The following TMEFF2 variants were observed in gnomAD, a reference collection of about 807,000 sequenced individuals.
TMEFF2 encodes tomoregulin-2.
In TMEFF2, 28 loss-of-function variants were observed where a neutral mutation model predicts 53.8. The observed-to-expected ratio is 0.52, with a 90% CI of 0.39 to 0.71. TMEFF2 has a LOEUF of 0.71. TMEFF2 is among the 30% of genes least tolerant of loss of function. The probability of loss-of-function intolerance (pLI) is 0.00; values close to 1 mark genes in which losing one functional copy is unlikely to be tolerated. For missense variants in TMEFF2, 353 were observed against 455.2 expected (o/e 0.78, Z 2.04); for synonymous variants, 162 against 166.3 (o/e 0.97, Z 0.20).
intron 2 of TMEFF2, among the ~76,000 whole-genome samples, chr2:192,186,949 G>C (rs1243697777): frequency 1.3e-5 from 2 of 152,136 alleles, no homozygotes; most frequent in Non-Finnish European, 2.9e-5. Context: ...GAGGGATGCA[G>C]TAAGCCAAAT....
At chr2:192,011,876 T>A (rs778312271) in intron 5 of TMEFF2, among the ~76,000 whole-genome samples, 7 of 152,186 alleles carry the variant, frequency 4.6e-5, no homozygotes, top group Non-Finnish European at 8.8e-5. Context: ...CAAAATATTT[T>A]TTATTTTTAC....
intron 9 of TMEFF2, among the ~76,000 whole-genome samples, chr2:191,953,207 A>G (rs1280238939): frequency 6.6e-6 from 1 of 152,186 alleles, no homozygotes; most frequent in East Asian, 1.9e-4. Flanking sequence ...TTACCTTTTG[A>G]TTAGGCTGGG....
intron 7 of TMEFF2, among the ~76,000 whole-genome samples, chr2:191,989,643 G>C (rs961035302): frequency 3.9e-5 from 6 of 152,122 alleles, no homozygotes; most frequent in African/African-American, 1.4e-4. Flanking sequence ...CCACAAGTCT[G>C]AGAGCCATAC....
At chr2:192,095,970 G>A (rs952586413) in intron 4 of TMEFF2, among the ~76,000 whole-genome samples, 2 of 152,078 alleles carry the variant, frequency 1.3e-5, no homozygotes, top group African/African-American at 4.8e-5. Context: ...AAGATGTTTT[G>A]GACATTTGTA....
At chr2:192,173,029 T>C (rs1690952760) in intron 4 of TMEFF2, among the ~76,000 whole-genome samples, 1 of 151,886 alleles carries the variant, frequency 6.6e-6, no homozygotes, top group African/African-American at 2.4e-5. Flanking sequence ...AGCTAATGGG[T>C]TCAAAAATAC....
At chr2:192,188,900 C>T (rs1691389562) in intron 2 of TMEFF2, among the ~76,000 whole-genome samples, 1 of 150,890 alleles carries the variant, frequency 6.6e-6, no homozygotes, top group Non-Finnish European at 1.5e-5. Context: ...TCTACTGTCT[C>T]CAAATTTTCA....
intron 4 of TMEFF2, among the ~76,000 whole-genome samples, chr2:192,170,082 G>C (rs1690870231): frequency 6.6e-6 from 1 of 151,876 alleles, no homozygotes; most frequent in African/African-American, 2.4e-5. Flanking sequence ...CCACATTGAA[G>C]TTGCTATTAC....
chr2:191,994,923 G>T (rs1468544255), intron 7 of TMEFF2, among the ~76,000 whole-genome samples: 1 of 151,946 alleles, frequency 6.6e-6, no homozygotes, highest in Non-Finnish European at 1.5e-5. Flanking sequence ...CTCATTAAAG[G>T]AGAGAGGGCA....
chr2:192,046,746 C>G (rs556992293), intron 5 of TMEFF2, among the ~76,000 whole-genome samples: 1 of 152,014 alleles, frequency 6.6e-6, no homozygotes, highest in African/African-American at 2.4e-5. Context: ...GTTGTGTTTT[C>G]TTTTTCCAAA....
intron 4 of TMEFF2, among the ~76,000 whole-genome samples, chr2:192,108,363 C>G (rs769083847): frequency 6.6e-6 from 1 of 151,758 alleles, no homozygotes; most frequent in South Asian, 2.1e-4. Context: ...AAAGACAGGG[C>G]ATTATTTAAA....
chr2:192,096,521 T>C (rs1460332340), intron 4 of TMEFF2, among the ~76,000 whole-genome samples: 2 of 152,116 alleles, frequency 1.3e-5, no homozygotes, highest in Non-Finnish European at 2.9e-5. Context: ...TTATTCTGAA[T>C]ATTATTTTAA....
intron 4 of TMEFF2, among the ~76,000 whole-genome samples, chr2:192,083,685 T>C (rs1688605224): frequency 6.6e-6 from 1 of 151,192 alleles, no homozygotes; most frequent in Non-Finnish European, 1.5e-5. Flanking sequence ...ACGCATGTGG[T>C]AGTACTTTAC....
At chr2:192,106,027 C>A (rs1689137191) in intron 4 of TMEFF2, among the ~76,000 whole-genome samples, 1 of 151,742 alleles carries the variant, frequency 6.6e-6, no homozygotes, top group Admixed American at 6.6e-5. Flanking sequence ...AGAACACTTG[C>A]ATTTTTAGGA....
At chr2:192,000,515 T>TA (rs898440631) in intron 5 of TMEFF2, among the ~76,000 whole-genome samples, 21 of 152,200 alleles carry the variant, frequency 1.4e-4, no homozygotes, top group African/African-American at 4.8e-4. Context: ...CTTTTAAGTA[T>TA]ACAGATTCAT....
At chr2:192,100,889 T>C (rs951839508) in intron 4 of TMEFF2, among the ~76,000 whole-genome samples, 1 of 152,162 alleles carries the variant, frequency 6.6e-6, no homozygotes, top group African/African-American at 2.4e-5. Context: ...TTATATGAGT[T>C]CCTTTTGAAT....
chr2:192,116,805 A>G (rs1689424270), intron 4 of TMEFF2, among the ~76,000 whole-genome samples: 1 of 152,100 alleles, frequency 6.6e-6, no homozygotes, highest in African/African-American at 2.4e-5. Context: ...GACGTAAGAA[A>G]TTAAAGAATC....
intron 4 of TMEFF2, among the ~76,000 whole-genome samples, chr2:192,149,738 A>G (rs1690339693): frequency 6.6e-6 from 1 of 151,942 alleles, no homozygotes; most frequent in Non-Finnish European, 1.5e-5. Context: ...CTGTGATGAA[A>G]TATGTTGGAG....
chr2:192,173,858 T>C (rs1690974111), intron 4 of TMEFF2, among the ~76,000 whole-genome samples: 1 of 151,796 alleles, frequency 6.6e-6, no homozygotes, highest in African/African-American at 2.4e-5. Context: ...AATTAAAAGA[T>C]TCAAAATTCT....
intron 4 of TMEFF2, among the ~76,000 whole-genome samples, chr2:192,126,044 A>T (rs1689669136): frequency 6.6e-6 from 1 of 152,218 alleles, no homozygotes. Context: ...TTAAAGAAAC[A>T]AAAGTTTGTT....
Sources: gnomAD v4.1 joint callset for allele counts (sites outside exome capture counted in the v4.1 genomes callset) on GRCh38, gnomAD v4.1.1 for gene constraint, MANE v1.5 for transcripts, NCBI Gene and HGNC (gene_info 2026-07-23, HGNC 2026-07-21) for gene names.